SLC26A4: variants seen among roughly 807,000 people sequenced by gnomAD.
The protein encoded by SLC26A4 is pendrin.
A neutral mutation model predicts 90.4 loss-of-function variants in SLC26A4; 93 were observed. The observed-to-expected ratio is 1.03, with a 90% CI of 0.87 to 1.22. The LOEUF (loss-of-function observed/expected upper bound fraction) is 1.22, where lower values mean the gene tolerates loss of function less well. SLC26A4 is among the 50% of genes most tolerant of loss of function. The pLI, the probability that SLC26A4 is intolerant of heterozygous loss-of-function variation, is 0.00. For synonymous variants in SLC26A4, 393 were observed against 354.6 expected, an observed-to-expected ratio of 1.11 and a Z score of -1.22; for missense variants, 1,127 against 946.2, an observed-to-expected ratio of 1.19 and a Z score of -2.51.
In SLC26A4 at chr7:107,698,086, A is replaced by C. The variant is rs747636919; in HGVS notation, c.1589A>C (p.Tyr530Ser). Residue 530 changes from tyrosine to serine, a missense_variant, in exon 14 of 21, where the codon TAC (tyrosine) becomes TCC (serine). By Grantham distance (144) the Tyr-to-Ser change is moderately radical. Coordinates refer to ENST00000644269, the MANE Select transcript of SLC26A4 (RefSeq NM_000441.2). ...GLGSIPSTDI[Y>S]KSTKNYKNIE... ...GGAAGCATCCCTAGCACAGATATCT[A>C]CAAAAGTACCAAGAATTACAAAAAC... is the stretch of plus-strand genomic sequence containing the variant. 3 of 1,609,940 alleles carry C rather than the reference A, an allele frequency of 1.9e-6. No homozygotes were observed. Among genetic ancestry groups the C allele is most frequent in the Non-Finnish European group, 2.6e-6 (3 of 1,176,272 alleles).
intron 3 of SLC26A4, among the ~76,000 whole-genome samples, chr7:107,668,123 C>T (rs1005584931): frequency 4.6e-5 from 7 of 152,070 alleles, no homozygotes; most frequent in Non-Finnish European, 7.4e-5. Context: ...GATGTAGATG[C>T]CTTCAGTCCA....
chr7:107,709,602 A>G (rs889761451), intron 18 of SLC26A4, among the ~76,000 whole-genome samples: 6 of 152,178 alleles, frequency 3.9e-5, no homozygotes, highest in African/African-American at 1.4e-4. Context: ...AGAGAAGGGC[A>G]CAGCTGTGAA....
Position 107,683,536 on chromosome 7 carries a change from G to A in SLC26A4, c.1000G>A (p.Gly334Arg). The change falls in exon 8 of 21, where the codon GGG (glycine) becomes AGG (arginine). Residue 334 changes from glycine to arginine, a missense_variant and splice_region_variant. Gly to Arg is a moderately radical substitution (Grantham distance 125). Coordinates refer to ENST00000644269, the MANE Select transcript of SLC26A4 (RefSeq NM_000441.2). The part of the protein sequence containing the change: ...NAGIVKSIPR[G>R]FLPPELPPVS... Reference sequence around the variant, plus strand: ...TGGCATTGTTAAATCCATCCCAAGGGGGTGAGTGTGGTGTTCCTCTTAGTA... The same window carrying A: ...TGGCATTGTTAAATCCATCCCAAGGAGGTGAGTGTGGTGTTCCTCTTAGTA... The A allele has an allele frequency of 1.9e-6, 3 of 1,613,052 alleles. No individual in the cohort carries two copies. Among genetic ancestry groups the A allele is most frequent in the Admixed American group, 3.3e-5 (2 of 59,984 alleles).
At chr7:107,696,108 G>A (rs1037074492) in intron 13 of SLC26A4, 69 bp downstream of exon 13, 1 of 903,726 alleles carries the variant, frequency 1.1e-6, no homozygotes, top group Admixed American at 1.7e-5. Context: ...ATACCATTTT[G>A]ATAAATATAG....
At chr7:107,674,085 C>A in intron 4 of SLC26A4, 79 bp from the exon 5 acceptor site, 1 of 1,379,314 alleles carries the variant, frequency 7.2e-7, no homozygotes, top group Non-Finnish European at 1.0e-6. Flanking sequence ...ATCTTTTATA[C>A]ATTTTTTAAA....
chr7:107,663,197 G>A (rs1367735052), intron 2 of SLC26A4, 99 bp from the exon 3 acceptor site: 4 of 1,300,226 alleles, frequency 3.1e-6, no homozygotes, highest in Admixed American at 3.4e-5. Context: ...TTTCCAAATA[G>A]TTATAAACAT....
intron 20 of SLC26A4, among the ~76,000 whole-genome samples, 167 bp downstream of exon 20, chr7:107,712,789 T>C (rs1451748996): frequency 6.6e-6 from 1 of 152,218 alleles, no homozygotes; most frequent in Admixed American, 6.5e-5. Context: ...AATTCTCCCT[T>C]GAAGACATTA....
rs141142414 is a variant in SLC26A4, at chr7:107,663,427, C to T, written c.296C>T (p.Thr99Met). ...GGAGTTAGTACTGGGCTAGTGGCCA[C>T]GCTGCAAGGTAAGATGTTGGCAGAT... is the stretch of plus-strand genomic sequence containing the variant. ...ISGVSTGLVATLQGMAYALLA... is the reference protein window; with the variant it reads ...ISGVSTGLVAMLQGMAYALLA... The change falls in exon 3 of 21, where the codon ACG becomes ATG. Residue 99 changes from threonine (T) to methionine (M), a missense_variant. By Grantham distance (81) the Thr-to-Met change is moderately conservative (BLOSUM62 -1). Transcript: ENST00000644269. 1.6e-5 allele frequency: 26 copies of T among 1,613,976 alleles called. No individual in the cohort carries two copies. The highest frequency in any genetic ancestry group is 1.7e-4 in the Middle Eastern group (1 of 6,058).
chr7:107,701,829 T>C lies in SLC26A4; in HGVS notation c.1806T>C (p.Asn602=), dbSNP rs761625957. The C allele has an allele frequency of 3.8e-6, 6 of 1,563,572 alleles. No homozygotes were observed. The Admixed American group carries it at 5.0e-5, about 13-fold the overall frequency. The change falls in exon 17 of 21, where the codon AAT becomes AAC. Residue 602 remains asparagine (N), a splice_region_variant and synonymous_variant. Transcript: ENST00000644269. ...IKSGQLRATK[N]GIISDAVSTN... ...TTGACAGTGTTTTCTTCGTTTAGAATGGCATCATAAGTGATGCTGTTTCAA... is the reference window on the plus strand; with the variant it reads ...TTGACAGTGTTTTCTTCGTTTAGAACGGCATCATAAGTGATGCTGTTTCAA...
At chr7:107,715,315 A>G in intron 20 of SLC26A4, 108 bp from the exon 21 acceptor site, 2 of 847,438 alleles carry the variant, frequency 2.4e-6, no homozygotes, top group South Asian at 2.6e-5. Context: ...ACCTAAGATG[A>G]GTAGCAGTAA....
In SLC26A4 at chr7:107,701,976, C is replaced by T. The variant is rs1791902817; in HGVS notation, c.1953C>T (p.Pro651=). 1 of 1,613,840 alleles carries T rather than the reference C, an allele frequency of 6.2e-7. No homozygotes were observed. The change falls in exon 17 of 21, where the codon CCC becomes CCT. Residue 651 remains proline, a synonymous_variant. Transcript: ENST00000644269. ...AGCTTCCAGTCAAAGTGAACGTTCC[C>T]AAAGTGCCAATCCATAGCCTTGTGC... ...NSELPVKVNV[P]KVPIHSLVLD... is the part of the protein sequence containing the mutation.
rs552401794 is a variant in SLC26A4 at position 107,711,120 on chromosome 7, C to A, written c.2235+921C>A. On this transcript the variant is annotated intron_variant, in intron 19 of 20. Transcript: ENST00000644269. ...TTCCTTGGTAAAATACTAGTCCTAACTACCAAGCTGTGGATCTTAAATATA... is the reference window on the plus strand; with the variant it reads ...TTCCTTGGTAAAATACTAGTCCTAAATACCAAGCTGTGGATCTTAAATATA... Among the ~76,000 whole-genome samples the A allele has an allele frequency of 4.0e-5, 6 of 149,452 alleles. No individual in the cohort carries two copies. In the South Asian group the frequency reaches 1.3e-3, roughly 32 times the overall value.
chr7:107,691,514 TACACACAC>T (rs113976786), intron 10 of SLC26A4, among the ~76,000 whole-genome samples: 8 of 131,042 alleles, frequency 6.1e-5, no homozygotes, highest in African/African-American at 2.0e-4. Context: ...AATATATATA[TACACACAC>T]ACACACACAC....
intron 6 of SLC26A4, 63 bp from the exon 7 acceptor site, chr7:107,683,129 TGTGTGTGTGC>T (rs1791291847): frequency 9.3e-7 from 1 of 1,078,898 alleles, no homozygotes; most frequent in Non-Finnish European, 1.4e-6. Flanking sequence ...GAATTGATTG[TGTGTGTGTGC>T]GTGTGTGTGT....
intron 6 of SLC26A4, among the ~76,000 whole-genome samples, chr7:107,680,141 AATCTT>A (rs1160979098): frequency 5.7e-5 from 7 of 121,794 alleles, no homozygotes; most frequent in East Asian, 4.6e-4. Context: ...TATATAATAT[AATCTT>A]ATCTTATTAT....
chr7:107,702,429 C>T (rs937552259), intron 17 of SLC26A4, among the ~76,000 whole-genome samples: 1 of 152,172 alleles, frequency 6.6e-6, no homozygotes, highest in Admixed American at 6.5e-5. Flanking sequence ...TGGTGGCTCA[C>T]GCCTGTAATC....
chr7:107,687,213 A>G (rs539791141), intron 8 of SLC26A4, among the ~76,000 whole-genome samples: 1 of 152,210 alleles, frequency 6.6e-6, no homozygotes, highest in East Asian at 1.9e-4. Context: ...CAGGCCTGAC[A>G]TGCTTGGCTG....
intron 2 of SLC26A4, 118 bp from the exon 3 acceptor site, chr7:107,663,178 C>A (rs918740423): frequency 1.3e-5 from 16 of 1,187,856 alleles, no homozygotes; most frequent in Non-Finnish European, 2.0e-5. Flanking sequence ...CCAGGAAATA[C>A]TTATCCTTTT....
At chr7:107,692,012 A>G in intron 10 of SLC26A4, 2 of 1,289,158 alleles carry the variant, frequency 1.6e-6, no homozygotes, top group Non-Finnish European at 2.0e-6. Flanking sequence ...GCAAATCTCA[A>G]ACTGCTGATG....
Sources: allele counts gnomAD v4.1 joint callset (sites outside exome capture counted in the v4.1 genomes callset), GRCh38; gene constraint gnomAD v4.1.1; transcripts MANE v1.5; gene names NCBI Gene and HGNC (gene_info 2026-07-23, HGNC 2026-07-21).